ATP8A2: variants seen among roughly 807,000 people sequenced by gnomAD.
The protein encoded by ATP8A2 is phospholipid-transporting ATPase IB.
In ATP8A2, 100 loss-of-function variants were observed where a neutral mutation model predicts 165.6. That is an observed-to-expected ratio of 0.60 (90% CI 0.51 to 0.71). The LOEUF (loss-of-function observed/expected upper bound fraction) is 0.71, where lower values mean the gene tolerates loss of function less well. ATP8A2 is among the 30% of genes least tolerant of loss of function. The probability of loss-of-function intolerance (pLI) is 0.00; values close to 1 mark genes in which losing one functional copy is unlikely to be tolerated. For missense variants in ATP8A2, 1,227 were observed against 1,479.5 expected, an observed-to-expected ratio of 0.83 and a Z score of 2.80; for synonymous variants, 543 against 548.8, an observed-to-expected ratio of 0.99 and a Z score of 0.15.
chr13:25,918,410 A>G (rs1184900350), intron 33 of ATP8A2, among the ~76,000 whole-genome samples: 1 of 152,116 alleles, frequency 6.6e-6, no homozygotes, highest in Non-Finnish European at 1.5e-5. Context: ...TTACTTGTTG[A>G]TGGTGGCTCC....
chr13:25,941,966 T>A (rs1245964974), intron 33 of ATP8A2, among the ~76,000 whole-genome samples: 3 of 152,242 alleles, frequency 2.0e-5, no homozygotes, highest in Non-Finnish European at 4.4e-5. Flanking sequence ...CTGTTGACTG[T>A]TTTCATGCAT....
chr13:25,618,834 A>G lies in ATP8A2; in HGVS notation c.2211+29135A>G, dbSNP rs552234320. Among the ~76,000 whole-genome samples, 25 of 152,146 alleles carry G rather than the reference A, an allele frequency of 1.6e-4. No homozygotes were observed. The South Asian group carries it at 5.2e-3, about 32-fold the overall frequency. Reference sequence around the variant, plus strand: ...TAGTCCTGGGCTACATCCAACATGCATTTCAATCAGTTCTTGGGTGGTGGA... The same window carrying G: ...TAGTCCTGGGCTACATCCAACATGCGTTTCAATCAGTTCTTGGGTGGTGGA... On this transcript the variant is annotated intron_variant, in intron 24 of 36. Coordinates refer to ENST00000381655, the MANE Select transcript of ATP8A2 (RefSeq NM_016529.6).
chr13:25,520,724 C>T (rs1004390646), intron 2 of ATP8A2, among the ~76,000 whole-genome samples: 1 of 151,554 alleles, frequency 6.6e-6, no homozygotes, highest in Non-Finnish European at 1.5e-5. Context: ...GCCTCAACCT[C>T]CCAAGTAGCT....
chr13:25,599,842 A>G (rs186517013), intron 24 of ATP8A2, among the ~76,000 whole-genome samples: 2 of 152,306 alleles, frequency 1.3e-5, no homozygotes, highest in African/African-American at 4.8e-5. Flanking sequence ...TCTTTTTTCC[A>G]CTGATGATTA....
chr13:25,404,888 G>A (rs934460681), intron 1 of ATP8A2, among the ~76,000 whole-genome samples: 3 of 151,974 alleles, frequency 2.0e-5, no homozygotes, highest in South Asian at 2.1e-4. Context: ...CAGGGGAGGC[G>A]AGGAAAAAGT....
intron 25 of ATP8A2, among the ~76,000 whole-genome samples, chr13:25,717,374 A>G (rs985837474): frequency 1.3e-5 from 2 of 148,572 alleles, no homozygotes; most frequent in South Asian, 2.2e-4. Flanking sequence ...TAGGCTCTCT[A>G]TTGAGCTCTG....
At chr13:25,984,815 G>T (rs1358168019) in intron 35 of ATP8A2, among the ~76,000 whole-genome samples, 6 of 152,122 alleles carry the variant, frequency 3.9e-5, no homozygotes, top group Non-Finnish European at 1.5e-5. Context: ...GATCTCGGCA[G>T]CATGATCACG....
chr13:25,619,213 C>T (rs537251577), intron 24 of ATP8A2, among the ~76,000 whole-genome samples: 71 of 152,172 alleles, frequency 4.7e-4, no homozygotes, highest in African/African-American at 1.5e-3. Flanking sequence ...TCCCATTAAG[C>T]TGGGGGCCTT....
At chr13:25,511,690 C>G (rs1371103950) in intron 2 of ATP8A2, among the ~76,000 whole-genome samples, 3 of 151,946 alleles carry the variant, frequency 2.0e-5, no homozygotes, top group African/African-American at 7.3e-5. Context: ...TAAATAGGCT[C>G]TTTTTAATAT....
At chr13:25,705,901 G>T (rs2137951876) in intron 25 of ATP8A2, among the ~76,000 whole-genome samples, 1 of 152,314 alleles carries the variant, frequency 6.6e-6, no homozygotes, top group Middle Eastern at 3.4e-3. Context: ...GCATAATGGT[G>T]TTCTGTTATA....
intron 2 of ATP8A2, among the ~76,000 whole-genome samples, chr13:25,481,605 T>C (rs1217867464): frequency 6.6e-6 from 1 of 152,182 alleles, no homozygotes. Flanking sequence ...ACCACTGTTA[T>C]CCCTGTATTA....
Position 25,731,232 on chromosome 13 carries a change from A to AAG in ATP8A2, c.2384+31898_2384+31899dup, listed in dbSNP as rs767105493. On this transcript the variant is annotated intron_variant, in intron 25 of 36. Coordinates refer to ENST00000381655, the MANE Select transcript of ATP8A2 (RefSeq NM_016529.6). ...GAGAAAGAGAAAGAAGAAAGAAGGA[A>AAG]AGAGAGAGAGAGGAAGGAAGGAAGG... Among the ~76,000 whole-genome samples, 88 of 147,688 alleles carry AAG rather than the reference A, an allele frequency of 6.0e-4. 1 individual carries two copies. Among genetic ancestry groups the AAG allele is most frequent in the African/African-American group, 2.1e-3 (83 of 39,000 alleles).
At chr13:25,434,405 A>G (rs2034698637) in intron 1 of ATP8A2, among the ~76,000 whole-genome samples, 1 of 151,502 alleles carries the variant, frequency 6.6e-6, no homozygotes, top group African/African-American at 2.4e-5. Context: ...TTGGAGTGCA[A>G]AGGCGTTATC....
rs2040877148 is a variant in ATP8A2 at position 25,618,293 on chromosome 13, G to T, written c.2211+28594G>T. ...GTGCGTGTTTATAAACACGAGGGAG[G>T]GTCTGAGTAGGAGGACCTGAGGAAT... On this transcript the variant is annotated intron_variant, in intron 24 of 36. Transcript: ENST00000381655. Among the ~76,000 whole-genome samples, 3 of 152,086 alleles carry T rather than the reference G, an allele frequency of 2.0e-5. No individual in the cohort carries two copies. In the South Asian group the frequency reaches 6.2e-4, roughly 32 times the overall value.
chr13:25,755,397 AT>A (rs5802347), intron 25 of ATP8A2, among the ~76,000 whole-genome samples: 89,566 of 151,954 alleles, frequency 0.59, 27,751 homozygotes, highest in Middle Eastern at 0.71. Flanking sequence ...CCTACTGCTT[AT>A]CAAAACTGTT....
Position 25,429,640 on chromosome 13 carries a change from G to A in ATP8A2, c.77-39337G>A, listed in dbSNP as rs141843394. 4.6e-3 allele frequency among the ~76,000 whole-genome samples: 703 copies of A among 152,276 alleles called. 6 individuals carry two copies. The highest frequency in any genetic ancestry group is 0.016 in the African/African-American group (668 of 41,552). On this transcript the variant is annotated intron_variant, in intron 1 of 36. Transcript: ENST00000381655. ...TGTGGGAAACCCGGTGGTTCCGCAG[G>A]CACTTGGTACCAGTGGGGAGATACA...
intron 35 of ATP8A2, among the ~76,000 whole-genome samples, chr13:26,000,137 G>A (rs1956604734): frequency 1.3e-5 from 2 of 152,188 alleles, no homozygotes; most frequent in Non-Finnish European, 2.9e-5. Flanking sequence ...TGGTGGATTG[G>A]TAGATGTTTG....
intron 24 of ATP8A2, among the ~76,000 whole-genome samples, chr13:25,663,148 C>T (rs903898007): frequency 2.6e-5 from 4 of 152,200 alleles, no homozygotes; most frequent in Non-Finnish European, 2.9e-5. Flanking sequence ...AGATCACATA[C>T]GTGGGACATG....
At chr13:25,730,398 G>A (rs1056447921) in intron 25 of ATP8A2, among the ~76,000 whole-genome samples, 5 of 152,138 alleles carry the variant, frequency 3.3e-5, no homozygotes, top group Non-Finnish European at 7.3e-5. Flanking sequence ...AGGGAATCAT[G>A]GCTTGGCAGT....
Sources: allele counts gnomAD v4.1 joint callset (sites outside exome capture counted in the v4.1 genomes callset), GRCh38; gene constraint gnomAD v4.1.1; transcripts MANE v1.5; gene names NCBI Gene and HGNC (gene_info 2026-07-23, HGNC 2026-07-21).